ABHD17C: variants seen among roughly 807,000 people sequenced by gnomAD.
The protein encoded by ABHD17C is alpha/beta hydrolase domain-containing protein 17C.
Under a neutral mutation model 27.9 loss-of-function variants are expected in ABHD17C, and 11 were observed. The observed-to-expected ratio is 0.39, with a 90% confidence interval of 0.25 to 0.65. The LOEUF (loss-of-function observed/expected upper bound fraction) is 0.65. Ranked by LOEUF, ABHD17C falls within the 30% of genes least tolerant of loss-of-function variation. The pLI, the probability that ABHD17C is intolerant of heterozygous loss-of-function variation, is 0.45. For synonymous variants in ABHD17C, 233 were observed against 209.1 expected (o/e 1.11, Z -0.98); for missense variants, 280 against 470.2 (o/e 0.60, Z 3.74).
chr15:80,726,795 G>A (rs996006752), intron 1 of ABHD17C, among the ~76,000 whole-genome samples: 1 of 152,176 alleles, frequency 6.6e-6, no homozygotes, highest in African/African-American at 2.4e-5. Flanking sequence ...AAAGTGCTGG[G>A]ATTACAGGCG....
chr15:80,713,351 G>GTTTTTTTTTTTTT (rs1596062478), intron 1 of ABHD17C, among the ~76,000 whole-genome samples: 3 of 28,134 alleles, frequency 1.1e-4, no homozygotes, highest in African/African-American at 4.1e-4. Context: ...CTGAGGTCTT[G>GTTTTTTTTTTTTT]TTCTTTTTTT....
chr15:80,717,271 A>AAC (rs10644616), intron 1 of ABHD17C, among the ~76,000 whole-genome samples: 2,583 of 145,180 alleles, frequency 0.018, 94 homozygotes, highest in African/African-American at 0.03. Context: ...AAAAAAAAAA[A>AAC]GAGTTTTGGC....
intron 2 of ABHD17C, among the ~76,000 whole-genome samples, chr15:80,751,097 C>G (rs775907345): frequency 2.6e-5 from 4 of 151,924 alleles, no homozygotes; most frequent in African/African-American, 7.3e-5. Context: ...CGCCTGTAAT[C>G]CCAGTACTTT....
intron 1 of ABHD17C, among the ~76,000 whole-genome samples, chr15:80,709,716 C>T (rs185216985): frequency 9.9e-5 from 15 of 152,256 alleles, no homozygotes; most frequent in Admixed American, 1.3e-4. Context: ...TTGTTCTCCT[C>T]CTCCACCCTG....
At chr15:80,698,787 T>G (rs1367329884) in intron 1 of ABHD17C, among the ~76,000 whole-genome samples, 2 of 152,244 alleles carry the variant, frequency 1.3e-5, no homozygotes, top group Non-Finnish European at 2.9e-5. Flanking sequence ...GTGTCCATTC[T>G]TCTGTTACTG....
At chr15:80,717,526 T>G (rs1351367989) in intron 1 of ABHD17C, among the ~76,000 whole-genome samples, 1 of 151,998 alleles carries the variant, frequency 6.6e-6, no homozygotes, top group Non-Finnish European at 1.5e-5. Context: ...CCTGAGTAGC[T>G]GGGATTACAG....
intron 2 of ABHD17C, among the ~76,000 whole-genome samples, chr15:80,750,540 G>A (rs535345391): frequency 1.3e-5 from 2 of 152,130 alleles, no homozygotes; most frequent in South Asian, 2.1e-4. Context: ...CTTTCATCCT[G>A]CTATTGCTGG....
chr15:80,713,637 G>A (rs981421086), intron 1 of ABHD17C, among the ~76,000 whole-genome samples: 16 of 151,748 alleles, frequency 1.1e-4, no homozygotes, highest in Middle Eastern at 3.4e-3. Flanking sequence ...GTGAAACTCC[G>A]TCTCTACTAA....
intron 1 of ABHD17C, among the ~76,000 whole-genome samples, chr15:80,738,434 A>G (rs867507480): frequency 2.6e-5 from 4 of 152,288 alleles, no homozygotes; most frequent in South Asian, 2.1e-4. Context: ...GGAGATGTTC[A>G]TCATTGGGCA....
chr15:80,713,085 C>CT (rs1555422285), intron 1 of ABHD17C, among the ~76,000 whole-genome samples: 149 of 143,972 alleles, frequency 1.0e-3, no homozygotes, highest in South Asian at 2.2e-3. Context: ...CTTTGTAAGT[C>CT]TTTTTTTTTT....
intron 1 of ABHD17C, among the ~76,000 whole-genome samples, chr15:80,716,167 A>G (rs763298849): frequency 2.6e-5 from 4 of 152,198 alleles, no homozygotes; most frequent in Non-Finnish European, 5.9e-5. Flanking sequence ...AGAGGTAACT[A>G]AAGAAGGGGG....
intron 1 of ABHD17C, among the ~76,000 whole-genome samples, chr15:80,726,520 T>G (rs940225844): frequency 2.1e-5 from 3 of 141,354 alleles, no homozygotes; most frequent in African/African-American, 5.5e-5. Flanking sequence ...TTTTTTTTTT[T>G]TTTTTTTTTG....
At chr15:80,746,331 G>C (rs78399106) in intron 1 of ABHD17C, among the ~76,000 whole-genome samples, 67 of 151,886 alleles carry the variant, frequency 4.4e-4, no homozygotes, top group Non-Finnish European at 7.7e-4. Flanking sequence ...GCTAGATCTA[G>C]GCTCTGTGGC....
intron 1 of ABHD17C, among the ~76,000 whole-genome samples, chr15:80,740,602 T>C (rs556413755): frequency 1.1e-4 from 16 of 152,142 alleles, no homozygotes; most frequent in Admixed American, 2.6e-4. Context: ...ATCAGAATTC[T>C]GGCCTGGAAG....
chr15:80,726,940 A>G (rs1894988829), intron 1 of ABHD17C, among the ~76,000 whole-genome samples: 1 of 152,158 alleles, frequency 6.6e-6, no homozygotes, highest in South Asian at 2.1e-4. Context: ...ACATGTCTGT[A>G]GTTTTCCTCT....
chr15:80,699,707 C>A (rs1447549866), intron 1 of ABHD17C, among the ~76,000 whole-genome samples: 1 of 152,032 alleles, frequency 6.6e-6, no homozygotes, highest in East Asian at 1.9e-4. Context: ...AAGGTGGGCA[C>A]GTAATCCAGA....
chr15:80,729,284 TACTCA>T (rs1477555376), intron 1 of ABHD17C, among the ~76,000 whole-genome samples: 12 of 152,234 alleles, frequency 7.9e-5, no homozygotes, highest in Non-Finnish European at 1.8e-4. Context: ...TATTATGTAA[TACTCA>T]ACTCAAATAC....
chr15:80,736,634 T>G (rs1895134303), intron 1 of ABHD17C, among the ~76,000 whole-genome samples: 1 of 152,256 alleles, frequency 6.6e-6, no homozygotes, highest in African/African-American at 2.4e-5. Context: ...CTTGTGTATT[T>G]ATCTTCTTCC....
intron 1 of ABHD17C, among the ~76,000 whole-genome samples, chr15:80,730,180 A>G (rs1008769087): frequency 3.3e-5 from 5 of 152,194 alleles, no homozygotes; most frequent in Middle Eastern, 3.2e-3. Context: ...GGTTATAGAT[A>G]AGCCTCACCA....
Sources: allele counts gnomAD v4.1 joint callset (sites outside exome capture counted in the v4.1 genomes callset), GRCh38; gene constraint gnomAD v4.1.1; transcripts MANE v1.5; gene names NCBI Gene and HGNC (gene_info 2026-07-23, HGNC 2026-07-21).